DPP6: variants seen among roughly 807,000 people sequenced by gnomAD.
DPP6 encodes dipeptidyl peptidase like 6, also known as A-type potassium channel modulatory protein DPP6.
A neutral mutation model predicts 122.6 loss-of-function variants in DPP6; 69 were observed. That is an observed-to-expected ratio of 0.56 (90% CI 0.46 to 0.69). The LOEUF is 0.69. DPP6 is among the 30% of genes least tolerant of loss of function. The pLI, the probability that DPP6 is intolerant of heterozygous loss-of-function variation, is 0.00. For synonymous variants in DPP6, 418 were observed against 433.1 expected (o/e 0.97, Z 0.43); for missense variants, 928 against 1,116.9 (o/e 0.83, Z 2.41).
At chr7:154,007,985 T>C (rs1429332053) in intron 1 of DPP6, among the ~76,000 whole-genome samples, 1 of 152,190 alleles carries the variant, frequency 6.6e-6, no homozygotes, top group Non-Finnish European at 1.5e-5. Flanking sequence ...CAACGGAGTG[T>C]GGGCAGTGTC....
chr7:153,910,256 G>A (rs1415761848), intron 1 of DPP6, among the ~76,000 whole-genome samples: 5 of 88,966 alleles, frequency 5.6e-5, no homozygotes. Context: ...TTGAGATGGA[G>A]TCTCGCTCTG....
At chr7:154,296,005 T>C (rs890243761) in intron 1 of DPP6, among the ~76,000 whole-genome samples, 3 of 147,910 alleles carry the variant, frequency 2.0e-5, no homozygotes, top group African/African-American at 5.0e-5. Flanking sequence ...AGTGCAGTGG[T>C]GCTATCTCGG....
At chr7:154,249,519 A>G (rs1802214125) in intron 1 of DPP6, among the ~76,000 whole-genome samples, 3 of 152,210 alleles carry the variant, frequency 2.0e-5, no homozygotes, top group African/African-American at 7.2e-5. Context: ...TAAATATCAA[A>G]GAATCCTGAT....
chr7:154,853,945 CCTAGCAGTTCAGAATAGG>C, intron 17 of DPP6, 118 bp downstream of exon 17: 1 of 1,383,044 alleles, frequency 7.2e-7, no homozygotes. Context: ...TGAGTCATGT[CCTAGCAGTTCAGAATAGG>C]CCATGCTGAT....
chr7:154,436,879 C>G (rs1211442200), intron 1 of DPP6, among the ~76,000 whole-genome samples: 1 of 152,204 alleles, frequency 6.6e-6, no homozygotes, highest in African/African-American at 2.4e-5. Context: ...AGTTTGCCCA[C>G]TGTGGAACTT....
intron 1 of DPP6, among the ~76,000 whole-genome samples, chr7:154,401,227 A>G (rs1815567836): frequency 6.6e-6 from 1 of 151,944 alleles, no homozygotes; most frequent in Non-Finnish European, 1.5e-5. Context: ...CAAAAAAAAA[A>G]CAGGTATTAC....
intron 1 of DPP6, among the ~76,000 whole-genome samples, chr7:154,063,577 T>A (rs1201029217): frequency 8.6e-6 from 1 of 116,722 alleles, no homozygotes; most frequent in Non-Finnish European, 1.8e-5. Context: ...CTTCCGCCTC[T>A]GGCTGATAGT....
At chr7:154,385,755 C>T (rs567283976) in intron 1 of DPP6, among the ~76,000 whole-genome samples, 7 of 152,266 alleles carry the variant, frequency 4.6e-5, no homozygotes, top group Non-Finnish European at 7.4e-5. Context: ...ATCTTACGTA[C>T]TCACTGGTCT....
intron 8 of DPP6, among the ~76,000 whole-genome samples, chr7:154,763,086 C>A (rs1256187374): frequency 6.6e-6 from 1 of 152,234 alleles, no homozygotes; most frequent in East Asian, 1.9e-4. Flanking sequence ...AATCCCAGCA[C>A]TTTGGGAGGC....
intron 1 of DPP6, among the ~76,000 whole-genome samples, chr7:154,195,852 A>G (rs1312845033): frequency 6.6e-6 from 1 of 152,146 alleles, no homozygotes; most frequent in East Asian, 1.9e-4. Context: ...ACTCCCTGCC[A>G]TCTTCCAGCA....
intron 1 of DPP6, among the ~76,000 whole-genome samples, chr7:154,351,573 G>A (rs1052422726): frequency 6.6e-6 from 1 of 152,158 alleles, no homozygotes; most frequent in Non-Finnish European, 1.5e-5. Flanking sequence ...GCCCACACTC[G>A]GTGGTGGCCA....
Position 154,463,951 on chromosome 7 carries a change from G to A in DPP6, c.359-10988G>A, listed in dbSNP as rs534965716. On this transcript the variant is annotated intron_variant, in intron 2 of 25. Transcript: ENST00000377770. ...AAGAGGTGATGCAAGCACTCCCTTG[G>A]CCACCCCAGCTGCTGTCTCACTAGG... Among the ~76,000 whole-genome samples the A allele has an allele frequency of 9.9e-5, 15 of 152,282 alleles. No individual in the cohort carries two copies. In the South Asian group the frequency reaches 1.0e-3, roughly 11 times the overall value.
intron 1 of DPP6, chr7:153,968,851 G>T (rs1454290594): frequency 6.6e-6 from 1 of 151,728 alleles, no homozygotes; most frequent in Non-Finnish European, 1.5e-5. Context: ...AAGTGGAATC[G>T]TACATGGTGT....
At chr7:153,923,507 G>A (rs562820316) in intron 1 of DPP6, among the ~76,000 whole-genome samples, 50 of 152,062 alleles carry the variant, frequency 3.3e-4, no homozygotes, top group South Asian at 8.3e-4. Flanking sequence ...CATGCCTGTA[G>A]TCCCAGCACT....
intron 10 of DPP6, among the ~76,000 whole-genome samples, chr7:154,778,290 C>T (rs796512359): frequency 1.3e-5 from 2 of 152,136 alleles, no homozygotes; most frequent in African/African-American, 4.8e-5. Context: ...TTTGACCAAC[C>T]CACGGTTTCT....
intron 3 of DPP6, among the ~76,000 whole-genome samples, chr7:154,493,777 G>A (rs978584218): frequency 2.0e-5 from 3 of 152,138 alleles, no homozygotes; most frequent in South Asian, 2.1e-4. Flanking sequence ...ATTCAATATC[G>A]GTCACACTGT....
At chr7:153,988,289 C>T (rs1796947293) in intron 1 of DPP6, among the ~76,000 whole-genome samples, 1 of 152,074 alleles carries the variant, frequency 6.6e-6, no homozygotes, top group African/African-American at 2.4e-5. Flanking sequence ...CCGCGGAGCT[C>T]CGGGGGTCTG....
intron 3 of DPP6, among the ~76,000 whole-genome samples, chr7:154,499,341 A>G (rs556479247): frequency 6.6e-6 from 1 of 152,316 alleles, no homozygotes; most frequent in Admixed American, 6.5e-5. Flanking sequence ...TTCTAGGAGC[A>G]CAGAGTGTCT....
Position 154,424,525 on chromosome 7 carries a change from A to G in DPP6, c.244-21689A>G, listed in dbSNP as rs188609295. Among the ~76,000 whole-genome samples, 270 of 152,236 alleles carry G rather than the reference A, an allele frequency of 1.8e-3. 1 individual carries two copies. The highest frequency in any genetic ancestry group is 6.0e-3 in the African/African-American group (251 of 41,526). On this transcript the variant is annotated intron_variant, in intron 1 of 25. Coordinates refer to ENST00000377770, the MANE Select transcript of DPP6 (RefSeq NM_130797.4). ...TTTTTCTAATATCATATTACTTGACACCGACTCTTCTCCCTCCCTCTTCCA... is the reference window on the plus strand; with the variant it reads ...TTTTTCTAATATCATATTACTTGACGCCGACTCTTCTCCCTCCCTCTTCCA...
Sources: allele counts gnomAD v4.1 joint callset (sites outside exome capture counted in the v4.1 genomes callset), GRCh38; gene constraint gnomAD v4.1.1; transcripts MANE v1.5; gene names NCBI Gene and HGNC (gene_info 2026-07-23, HGNC 2026-07-21).